CSMD2: variants seen among roughly 807,000 people sequenced by gnomAD.
The protein encoded by CSMD2 is CUB and sushi domain-containing protein 2.
In CSMD2, 130 loss-of-function variants were observed where a neutral mutation model predicts 398.5. The ratio of observed to expected loss-of-function variants is 0.33; its 90% CI spans 0.28 to 0.38. The LOEUF (loss-of-function observed/expected upper bound fraction) is 0.38, where lower values mean the gene tolerates loss of function less well. Among genes scored for constraint, CSMD2 ranks in the 10% least tolerant of loss-of-function variants. The pLI, the probability that CSMD2 is intolerant of heterozygous loss-of-function variation, is 1.00. For missense variants in CSMD2, 3,829 were observed against 4,764.9 expected, an observed-to-expected ratio of 0.80 and a Z score of 5.78; for synonymous variants, 1,828 against 1,908.5, an observed-to-expected ratio of 0.96 and a Z score of 1.10.
rs544455574 is a variant in CSMD2, at chr1:33,709,326, T to C, written c.3407-68A>G. On this transcript the variant is annotated intron_variant, in intron 21 of 70. Coordinates refer to ENST00000373381, the MANE Select transcript of CSMD2 (RefSeq NM_001281956.2). Reference sequence around the variant, plus strand: ...CTGCATCCAGAAAGCAACTCACAGCTCTGAAGAACCTGACAAAGATGACAA... The same window carrying C: ...CTGCATCCAGAAAGCAACTCACAGCCCTGAAGAACCTGACAAAGATGACAA... The C allele has an allele frequency of 9.4e-6, 13 of 1,388,680 alleles. No individual in the cohort carries two copies. In the South Asian group the frequency reaches 1.8e-4, roughly 19 times the overall value. 86.0% of individuals were successfully genotyped at this position (1,388,680 alleles called of 1,614,324 possible). A position where few individuals can be genotyped will look rare whatever the true frequency, so the allele number is the denominator to read the frequency against.
chr1:33,622,683 T>C (rs976549842), intron 36 of CSMD2, among the ~76,000 whole-genome samples: 1 of 152,252 alleles, frequency 6.6e-6, no homozygotes, highest in Non-Finnish European at 1.5e-5. Flanking sequence ...TTCAGATAAT[T>C]GCCCTGGCCA....
At chr1:33,540,408 T>C in intron 60 of CSMD2, 117 bp downstream of exon 60, 1 of 977,700 alleles carries the variant, frequency 1.0e-6, no homozygotes, top group South Asian at 1.6e-5. Flanking sequence ...ATGAAGCTCC[T>C]CCCTGGTTTT....
intron 42 of CSMD2, among the ~76,000 whole-genome samples, chr1:33,604,118 C>T (rs1640418455): frequency 6.6e-6 from 1 of 152,190 alleles, no homozygotes; most frequent in African/African-American, 2.4e-5. Flanking sequence ...GGAAGAACAG[C>T]TTCTGGCTCA....
intron 5 of CSMD2, chr1:33,864,510 C>T (rs1639818214): frequency 1.2e-6 from 2 of 1,614,110 alleles, no homozygotes; most frequent in Non-Finnish European, 8.5e-7. Flanking sequence ...CTGCCAAGAC[C>T]ACTATGCTCA....
intron 5 of CSMD2, among the ~76,000 whole-genome samples, chr1:33,878,518 GAC>G (rs982138582): frequency 5.3e-5 from 8 of 152,352 alleles, no homozygotes; most frequent in African/African-American, 1.9e-4. Context: ...CCATTATTGT[GAC>G]ACAGCACAGC....
chr1:33,878,038 G>A (rs1317812012), intron 5 of CSMD2: 1 of 152,124 alleles, frequency 6.6e-6, no homozygotes, highest in African/African-American at 2.4e-5. Context: ...TTGAAGGTCA[G>A]GCAGACTCAG....
At chr1:34,101,724 T>A (rs1259828099) in intron 1 of CSMD2, among the ~76,000 whole-genome samples, 1 of 152,028 alleles carries the variant, frequency 6.6e-6, no homozygotes, top group Non-Finnish European at 1.5e-5. Context: ...GTGGTATTTT[T>A]TTCCCTCATT....
At chr1:33,832,343 T>C (rs1659681081) in intron 6 of CSMD2, among the ~76,000 whole-genome samples, 2 of 151,190 alleles carry the variant, frequency 1.3e-5, no homozygotes, top group Non-Finnish European at 1.5e-5. Flanking sequence ...AAACTAGAAC[T>C]CAGGATTCAG....
chr1:33,995,244 G>A (rs1171346609), intron 3 of CSMD2, among the ~76,000 whole-genome samples: 4 of 152,280 alleles, frequency 2.6e-5, no homozygotes, highest in South Asian at 2.1e-4. Flanking sequence ...ACACTTGGAC[G>A]ACTCTGCTGT....
chr1:33,967,766 T>C (rs1645614482), intron 3 of CSMD2, among the ~76,000 whole-genome samples: 1 of 152,172 alleles, frequency 6.6e-6, no homozygotes, highest in Non-Finnish European at 1.5e-5. Context: ...TCACATTCTT[T>C]GCTTCAGTTT....
chr1:34,013,942 C>G (rs995070382), intron 3 of CSMD2, among the ~76,000 whole-genome samples: 3 of 152,180 alleles, frequency 2.0e-5, no homozygotes, highest in African/African-American at 7.2e-5. Context: ...ACAGTCTGAA[C>G]TGAGCTCCTG....
intron 6 of CSMD2, among the ~76,000 whole-genome samples, chr1:33,831,641 G>A (rs1160890103): frequency 1.3e-5 from 2 of 151,716 alleles, no homozygotes; most frequent in African/African-American, 4.8e-5. Context: ...ATCATGACAG[G>A]ATCAAATTCA....
At chr1:33,916,919 G>A (rs61769928) in intron 5 of CSMD2, among the ~76,000 whole-genome samples, 12,615 of 151,966 alleles carry the variant, frequency 0.083, 541 homozygotes, top group Middle Eastern at 0.13. Context: ...TGCAATAAAC[G>A]TGCCCCATTC....
At position 33,519,787 on chromosome 1, in the gene CSMD2, G is replaced by A. The variant is rs373497277; in HGVS notation, c.10736+25C>T. 8.1e-5 allele frequency: 131 copies of A among 1,613,162 alleles called. No individual in the cohort carries two copies. Among genetic ancestry groups the A allele is most frequent in the East Asian group, 2.2e-4 (10 of 44,834 alleles). The stretch of plus-strand genomic sequence containing the variant: ...AGAGAGGGAGGCCTGCCTGATGCCC[G>A]CCCTGCCTCCTTCCTGCACGGTACC... On this transcript the variant is annotated intron_variant, in intron 69 of 70. Transcript: ENST00000373381. This position sits in a 1 kb window ranked among gnomAD's most constrained non-coding sequence, Gnocchi z 5.6.
At chr1:33,876,381 T>C (rs1202645007) in intron 5 of CSMD2, among the ~76,000 whole-genome samples, 1 of 152,196 alleles carries the variant, frequency 6.6e-6, no homozygotes. Flanking sequence ...TTGTCGAACA[T>C]GAGAAATTCA....
At chr1:33,810,688 T>A in intron 10 of CSMD2, 55 bp downstream of exon 10, 1 of 1,560,420 alleles carries the variant, frequency 6.4e-7, no homozygotes, top group East Asian at 2.4e-5. Context: ...GTAGGCCAAC[T>A]GTCCCCAACC....
At chr1:33,647,039 G>A (rs1163400369) in intron 28 of CSMD2, among the ~76,000 whole-genome samples, 2 of 152,136 alleles carry the variant, frequency 1.3e-5, no homozygotes, top group Non-Finnish European at 2.9e-5. Flanking sequence ...GAAGAGGCAG[G>A]CTCAGGGGCA....
chr1:33,658,898 A>G (rs1188338549), intron 26 of CSMD2, among the ~76,000 whole-genome samples: 2 of 152,274 alleles, frequency 1.3e-5, no homozygotes, highest in African/African-American at 2.4e-5. Flanking sequence ...CATGTATTCA[A>G]TTGGAAGGGT....
chr1:33,741,201 A>T (rs903774794), intron 14 of CSMD2, among the ~76,000 whole-genome samples: 18 of 152,122 alleles, frequency 1.2e-4, no homozygotes, highest in African/African-American at 3.9e-4. Context: ...TCAAGTCAAC[A>T]TAAGTTGACT....
Sources: allele counts gnomAD v4.1 joint callset (sites outside exome capture counted in the v4.1 genomes callset), GRCh38; gene constraint gnomAD v4.1.1; non-coding constraint Gnocchi (gnomAD v3.1); transcripts MANE v1.5; gene names NCBI Gene and HGNC (gene_info 2026-07-23, HGNC 2026-07-21).